ETS2: variants seen among roughly 807,000 people sequenced by gnomAD.
ETS2 encodes the protein protein C-ets-2.
Under a neutral mutation model 54.9 loss-of-function variants are expected in ETS2, and 19 were observed. That is an observed-to-expected ratio of 0.35 (90% CI 0.24 to 0.51). The LOEUF is 0.51. Ranked by LOEUF, ETS2 falls within the 20% of genes least tolerant of loss-of-function variation. The pLI is 0.97. For synonymous variants in ETS2, 219 were observed against 229.3 expected, an observed-to-expected ratio of 0.95 and a Z score of 0.41; for missense variants, 417 against 593.0, an observed-to-expected ratio of 0.70 and a Z score of 3.08.
chr21:38,805,244 C>G (rs1049065678), upstream of ETS2: 1 of 945,634 alleles, frequency 1.1e-6, no homozygotes, highest in Non-Finnish European at 1.4e-6. This position sits in a 1 kb window ranked among gnomAD's most constrained non-coding sequence, Gnocchi z 5.2. Context: ...AGCACCACGA[C>G]TCGGGGACAC....
rs189931170 is a variant in ETS2, at chr21:38,821,965, C to G, written c.1194+261C>G. Among the ~76,000 whole-genome samples, 9 of 152,156 alleles carry G rather than the reference C, an allele frequency of 5.9e-5. No homozygotes were observed. Among genetic ancestry groups the G allele is most frequent in the Admixed American group, 2.0e-4 (3 of 15,272 alleles). ...TGATCAGTTGTCTGATCAAGAGGCC[C>G]AAGCTGCAAACTGAGGTTCTCTGCT... On this transcript the variant is annotated intron_variant, in intron 9 of 9. Coordinates refer to ENST00000360938, the MANE Select transcript of ETS2 (RefSeq NM_005239.6). The surrounding 1 kb of genome is among the most constrained non-coding windows in gnomAD (Gnocchi z 4.2).
rs1315660569 is a variant in ETS2, at chr21:38,813,122, G to C, written c.184+8G>C. 6.4e-7 allele frequency: 1 copy of C among 1,559,596 alleles called. No individual in the cohort carries two copies. The highest frequency in any genetic ancestry group is 8.8e-7 in the Non-Finnish European group (1 of 1,130,180). On this transcript the variant is annotated splice_region_variant and intron_variant, in intron 3 of 9. Coordinates refer to ENST00000360938, the MANE Select transcript of ETS2 (RefSeq NM_005239.6). ...TGGATTCCATTTCTCATGGTAATTG[G>C]TTCCTCAGACTTGACAAATTGTGCA...
Position 38,819,590 on chromosome 21 carries a change from C to T in ETS2, c.899C>T (p.Ser300Leu), listed in dbSNP as rs1245886108. 12 of 1,614,178 alleles carry T rather than the reference C, an allele frequency of 7.4e-6. No individual in the cohort carries two copies. The highest frequency in any genetic ancestry group is 2.2e-5 in the South Asian group (2 of 91,086). The change falls in exon 8 of 10, where the codon TCG (serine) becomes TTG (leucine). Residue 300 changes from serine (S) to leucine (L), a missense_variant. Physicochemically the swap from Ser to Leu is moderately radical, Grantham distance 145. Transcript: ENST00000360938. ...DSLLQSWNSQSSLLDVQRVPS... is the reference protein window; with the variant it reads ...DSLLQSWNSQLSLLDVQRVPS... ...CTCCTCCAGTCCTGGAACAGCCAGT[C>T]GTCCTTGCTGGATGTGCAACGGGTT... is the stretch of plus-strand genomic sequence containing the variant.
At chr21:38,810,369 G>GT (rs1569021522) in intron 2 of ETS2, among the ~76,000 whole-genome samples, 1 of 152,126 alleles carries the variant, frequency 6.6e-6, no homozygotes, top group Admixed American at 6.6e-5. Flanking sequence ...CTCCTTCCAG[G>GT]TGAAAATCCT....
At chr21:38,808,645 T>C (rs1003007508) in intron 1 of ETS2, among the ~76,000 whole-genome samples, 6 of 150,698 alleles carry the variant, frequency 4.0e-5, no homozygotes, top group Non-Finnish European at 8.9e-5. Context: ...GCAGGGTTCT[T>C]GGAAGGTCTG....
At chr21:38,805,355 G>T (rs763043169), upstream of ETS2, 1 of 1,288,690 alleles carries the variant, frequency 7.8e-7, no homozygotes, top group Admixed American at 2.3e-5. The surrounding 1 kb of genome is among the most constrained non-coding windows in gnomAD (Gnocchi z 5.2). Flanking sequence ...GAATGGGGTC[G>T]GCTCAATTTC....
intron 7 of ETS2, 93 bp from the exon 8 acceptor site, chr21:38,819,410 A>T (rs2060948101): frequency 8.6e-7 from 1 of 1,166,632 alleles, no homozygotes; most frequent in Non-Finnish European, 1.3e-6. Context: ...CAGGTGCATG[A>T]TTGCACTGGT....
rs79950946 is a variant in ETS2 at position 38,819,901 on chromosome 21, A to G, written c.1075+135A>G. ...ACCAGTGCTCTACACTCCATGTTTT[A>G]TGCGTGGCTTGCTGTATCTCTGAAT... On this transcript the variant is annotated intron_variant, in intron 8 of 9. Coordinates refer to ENST00000360938, the MANE Select transcript of ETS2 (RefSeq NM_005239.6). 9.1e-4 allele frequency: 763 copies of G among 835,606 alleles called. 6 individuals are homozygous for G. The African/African-American group carries it at 0.011, about 13-fold the overall frequency. The allele number at this position is 835,606 out of a possible 1,614,324, so 51.8% of individuals were successfully genotyped here.
chr21:38,821,453 T>G lies in ETS2; in HGVS notation c.1076-133T>G. 1.4e-6 allele frequency: 1 copy of G among 726,532 alleles called. No individual in the cohort carries two copies. The highest frequency in any genetic ancestry group is 2.4e-6 in the Non-Finnish European group (1 of 408,862). 45.0% of individuals were successfully genotyped at this position (726,532 alleles called of 1,614,324 possible). A position where few individuals can be genotyped will look rare whatever the true frequency, so the allele number is the denominator to read the frequency against. On this transcript the variant is annotated intron_variant, in intron 8 of 9. Transcript: ENST00000360938. This position sits in a 1 kb window ranked among gnomAD's most constrained non-coding sequence, Gnocchi z 4.2. ...CCAACACCTTGAGTGCCACCCTGAG[T>G]GTAACATCGGAACCCCATTCAGAGA...
In ETS2 at chr21:38,806,804, A is replaced by AAG. The variant is rs1336576323; in HGVS notation, c.-1+687_-1+688dup. 1 of 985,356 alleles carries AAG rather than the reference A, an allele frequency of 1.0e-6. No homozygotes were observed. The highest frequency in any genetic ancestry group is 1.2e-6 in the Non-Finnish European group (1 of 829,960). 61.0% of individuals were successfully genotyped at this position (985,356 alleles called of 1,614,324 possible). The stretch of plus-strand genomic sequence containing the variant: ...TTCTCGTTCCTACAGCATTTGAATG[A>AAG]AGAGGTAACTGAGTGTTTGCTTGTG... On this transcript the variant is annotated intron_variant, in intron 1 of 9. Transcript: ENST00000360938. This position sits in a 1 kb window ranked among gnomAD's most constrained non-coding sequence, Gnocchi z 4.3.
intron 1 of ETS2, among the ~76,000 whole-genome samples, chr21:38,809,124 G>A (rs1375874999): frequency 6.6e-6 from 1 of 152,206 alleles, no homozygotes; most frequent in Non-Finnish European, 1.5e-5. Flanking sequence ...ATTGATTTCA[G>A]TGTATTTCAA....
At chr21:38,818,929 T>C (rs1405613420) in intron 7 of ETS2, among the ~76,000 whole-genome samples, 1 of 152,218 alleles carries the variant, frequency 6.6e-6, no homozygotes, top group African/African-American at 2.4e-5. Flanking sequence ...ACATTTCTTC[T>C]TATGGAGATG....
chr21:38,805,925 G>T (rs1431547737), upstream of ETS2: 1 of 1,251,920 alleles, frequency 8.0e-7, no homozygotes, highest in Non-Finnish European at 1.0e-6. The surrounding 1 kb of genome is among the most constrained non-coding windows in gnomAD (Gnocchi z 5.2). Context: ...GTGGGGGACG[G>T]CCCGGTTACT....
chr21:38,817,060 C>G lies in ETS2; in HGVS notation c.558C>G (p.Ser186=). The G allele has an allele frequency of 1.9e-6, 3 of 1,612,550 alleles. No individual in the cohort carries two copies. The highest frequency in any genetic ancestry group is 2.5e-6 in the Non-Finnish European group (3 of 1,178,620). Residue 186 remains serine (S), a synonymous_variant, in exon 6 of 10, where the codon TCC becomes TCG. Coordinates refer to ENST00000360938, the MANE Select transcript of ETS2 (RefSeq NM_005239.6). The stretch of plus-strand genomic sequence containing the variant: ...ATGAAGAAAATTCACACCTCACCTC[C>G]GTTCCTCATTGGATTAACAGCAATA... ...DQYEENSHLT[S]VPHWINSNTL...
Position 38,823,805 on chromosome 21 carries a change from CAT to C in ETS2, c.*919_*920del, listed in dbSNP as rs2060968031. On this transcript the variant is annotated 3_prime_UTR_variant, in exon 10 of 10. Coordinates refer to ENST00000360938, the MANE Select transcript of ETS2 (RefSeq NM_005239.6). ...AAGCAGTATTTTTCTTGACAAATGG[CAT>C]ATGTTTTCCACTTCTTTGCATGCGT... 6.6e-6 allele frequency: 1 copy of C among 152,552 alleles called. No homozygotes were observed. The highest frequency in any genetic ancestry group is 1.5e-5 in the Non-Finnish European group (1 of 68,028). 9.4% of individuals were successfully genotyped at this position (152,552 alleles called of 1,614,324 possible).
intron 7 of ETS2, 56 bp downstream of exon 7, chr21:38,818,702 A>G (rs2060945219): frequency 1.9e-6 from 3 of 1,586,294 alleles, no homozygotes; most frequent in Non-Finnish European, 2.6e-6. Context: ...AGAACCCCAG[A>G]GCCATAATGA....
At chr21:38,805,859 G>GTCCCTCCTTCCTCC, upstream of ETS2, 2 of 1,136,146 alleles carry the variant, frequency 1.8e-6, no homozygotes, top group Non-Finnish European at 2.2e-6. This position sits in a 1 kb window ranked among gnomAD's most constrained non-coding sequence, Gnocchi z 5.2. Flanking sequence ...CCACTCGGCC[G>GTCCCTCCTTCCTCC]TCCCTCCTTC....
rs1454652671 is a variant in ETS2, at chr21:38,814,719, G to A, written c.305-62G>A. 14 of 1,428,074 alleles carry A rather than the reference G, an allele frequency of 9.8e-6. No homozygotes were observed. Among genetic ancestry groups the A allele is most frequent in the East Asian group, 2.3e-5 (1 of 43,812 alleles). 88.5% of individuals were successfully genotyped at this position (1,428,074 alleles called of 1,614,324 possible). A position where few individuals can be genotyped will look rare whatever the true frequency, so the allele number is the denominator to read the frequency against. On this transcript the variant is annotated intron_variant, in intron 4 of 9. Coordinates refer to ENST00000360938, the MANE Select transcript of ETS2 (RefSeq NM_005239.6). This position sits in a 1 kb window ranked among gnomAD's most constrained non-coding sequence, Gnocchi z 4.2. Reference sequence around the variant, plus strand: ...TGGTGCATAAATTAGGGATGACAGTGGTCTCACTACCTTTCCACTGTTTTT... The same window carrying A: ...TGGTGCATAAATTAGGGATGACAGTAGTCTCACTACCTTTCCACTGTTTTT...
At chr21:38,810,339 T>G (rs1162551130) in intron 2 of ETS2, among the ~76,000 whole-genome samples, 1 of 152,186 alleles carries the variant, frequency 6.6e-6, no homozygotes, top group Non-Finnish European at 1.5e-5. Context: ...CCAAAGGCCT[T>G]TATAGCTTGT....
Sources: gnomAD v4.1 joint callset for allele counts (sites outside exome capture counted in the v4.1 genomes callset) on GRCh38, gnomAD v4.1.1 for gene constraint, Gnocchi (gnomAD v3.1) non-coding constraint, MANE v1.5 for transcripts, NCBI Gene and HGNC (gene_info 2026-07-23, HGNC 2026-07-21) for gene names.